TTC33: variants seen among roughly 807,000 people sequenced by gnomAD.
TTC33 encodes tetratricopeptide repeat protein 33.
A neutral mutation model predicts 29.4 loss-of-function variants in TTC33; 24 were observed. The ratio of observed to expected loss-of-function variants is 0.82; its 90% CI spans 0.59 to 1.15. The LOEUF (loss-of-function observed/expected upper bound fraction) is 1.15. Among genes scored for constraint, TTC33 ranks in the 50% most tolerant of loss-of-function variants. The probability of loss-of-function intolerance (pLI) is 0.00; values close to 1 mark genes in which losing one functional copy is unlikely to be tolerated. For synonymous variants in TTC33, 107 were observed against 100.3 expected (o/e 1.07, Z -0.40); for missense variants, 286 against 310.4 (o/e 0.92, Z 0.59).
rs1470247379 is a variant in TTC33 at position 40,738,425 on chromosome 5, TAAAA to T, written c.222-8086_222-8083del. 9.2e-4 allele frequency among the ~76,000 whole-genome samples: 133 copies of T among 144,440 alleles called. 1 individual carries two copies. The highest frequency in any genetic ancestry group is 3.4e-3 in the African/African-American group (130 of 38,420). The allele number at this position is 144,440 out of a possible 152,430, so 94.8% of individuals were successfully genotyped here. ...GCAAGACTCCATCTCAAAAATAAAA[TAAAA>T]TAAAATATAAAATAAAATACAATAC... On this transcript the variant is annotated intron_variant, in intron 2 of 4. Coordinates refer to ENST00000337702, the MANE Select transcript of TTC33 (RefSeq NM_012382.3).
At chr5:40,722,624 G>A (rs1267478877) in intron 4 of TTC33, among the ~76,000 whole-genome samples, 4 of 151,470 alleles carry the variant, frequency 2.6e-5, no homozygotes, top group South Asian at 4.2e-4. Flanking sequence ...GAGCCCCTCC[G>A]CCCAGCAGCT....
rs113938325 is a variant in TTC33, at chr5:40,716,584, T to C, written c.436-86A>G. On this transcript the variant is annotated intron_variant, in intron 4 of 4. Coordinates refer to ENST00000337702, the MANE Select transcript of TTC33 (RefSeq NM_012382.3). ...CCTGTGTGTTTACGTACATATATAC[T>C]GTACACATACACATCCTAATGCATT... is the stretch of plus-strand genomic sequence containing the variant. 7.9e-4 allele frequency: 659 copies of C among 836,750 alleles called. 3 individuals carry two copies. The African/African-American group carries it at 0.011, about 13-fold the overall frequency. The allele number at this position is 836,750 out of a possible 1,614,324, so 51.8% of individuals were successfully genotyped here.
At chr5:40,749,320 T>A (rs1172119650) in intron 1 of TTC33, among the ~76,000 whole-genome samples, 1 of 152,216 alleles carries the variant, frequency 6.6e-6, no homozygotes, top group African/African-American at 2.4e-5. Context: ...GAACTGTATA[T>A]AAATTGTACA....
intron 4 of TTC33, among the ~76,000 whole-genome samples, chr5:40,722,620 C>T (rs1742167087): frequency 6.6e-6 from 1 of 151,926 alleles, no homozygotes; most frequent in South Asian, 2.1e-4. Context: ...TGAGGAGCCC[C>T]TCCGCCCAGC....
intron 2 of TTC33, among the ~76,000 whole-genome samples, chr5:40,746,451 T>A (rs1742789687): frequency 1.3e-5 from 2 of 152,210 alleles, no homozygotes; most frequent in Non-Finnish European, 1.5e-5. Context: ...CATAATGTTA[T>A]AAGCAGAAAG....
intron 4 of TTC33, among the ~76,000 whole-genome samples, chr5:40,719,014 T>A (rs1450770258): frequency 2.0e-5 from 3 of 152,198 alleles, no homozygotes; most frequent in African/African-American, 7.2e-5. Context: ...AATAAATACC[T>A]CTTCATGGCA....
chr5:40,728,047 C>T (rs1016466431), intron 4 of TTC33, among the ~76,000 whole-genome samples: 10 of 151,868 alleles, frequency 6.6e-5, no homozygotes, highest in African/African-American at 1.7e-4. Flanking sequence ...TTTGGGAGGC[C>T]GAGGCTGGAG....
At chr5:40,732,493 C>T (rs182792882) in intron 2 of TTC33, among the ~76,000 whole-genome samples, 1 of 151,778 alleles carries the variant, frequency 6.6e-6, no homozygotes, top group East Asian at 1.9e-4. Context: ...GCTCTAATTC[C>T]TCCTTGTATT....
intron 4 of TTC33, among the ~76,000 whole-genome samples, chr5:40,721,557 C>CA (rs1264631482): frequency 6.6e-6 from 1 of 151,832 alleles, no homozygotes; most frequent in Non-Finnish European, 1.5e-5. Context: ...TATCCGCGTG[C>CA]AAAAGAATGA....
intron 4 of TTC33, among the ~76,000 whole-genome samples, chr5:40,722,322 C>T (rs936306676): frequency 2.6e-5 from 4 of 152,188 alleles, no homozygotes; most frequent in Non-Finnish European, 4.4e-5. Flanking sequence ...TCTGCCCGGC[C>T]GCCACCCCGT....
intron 2 of TTC33, 92 bp from the exon 3 acceptor site, chr5:40,730,435 T>G (rs183861279): frequency 1.0e-6 from 1 of 967,190 alleles, no homozygotes; most frequent in Non-Finnish European, 1.6e-6. Context: ...AATATAAAAT[T>G]TACCATCTTA....
At chr5:40,716,953 G>A (rs1742013597) in intron 4 of TTC33, among the ~76,000 whole-genome samples, 1 of 152,130 alleles carries the variant, frequency 6.6e-6, no homozygotes, top group African/African-American at 2.4e-5. Flanking sequence ...ATTTGGCTGG[G>A]CACGGTGGCT....
chr5:40,751,826 G>A (rs1045220862), intron 1 of TTC33, among the ~76,000 whole-genome samples: 4 of 151,960 alleles, frequency 2.6e-5, no homozygotes, highest in Admixed American at 6.6e-5. Flanking sequence ...GCGTGGTGGC[G>A]CACGCCTGTA....
Position 40,715,436 on chromosome 5 carries a change from G to C in TTC33, c.*709C>G, listed in dbSNP as rs1038868058. ...TCATTTGTGGTAAGGATTACTTACTGTAACAATTAAAAAATAAAACCATCA... is the reference window on the plus strand; with the variant it reads ...TCATTTGTGGTAAGGATTACTTACTCTAACAATTAAAAAATAAAACCATCA... On this transcript the variant is annotated 3_prime_UTR_variant, in exon 5 of 5. Transcript: ENST00000337702. 2.6e-5 allele frequency: 4 copies of C among 152,200 alleles called. No homozygotes were observed. The highest frequency in any genetic ancestry group is 2.6e-4 in the Admixed American group (4 of 15,268). 9.4% of individuals were successfully genotyped at this position (152,200 alleles called of 1,614,324 possible).
At chr5:40,733,193 C>T (rs182785199) in intron 2 of TTC33, among the ~76,000 whole-genome samples, 4 of 152,194 alleles carry the variant, frequency 2.6e-5, no homozygotes, top group Admixed American at 1.3e-4. Flanking sequence ...GAGAATTCTA[C>T]GTTTAGCAGA....
chr5:40,750,893 T>G (rs1742882974), intron 1 of TTC33, among the ~76,000 whole-genome samples: 1 of 152,196 alleles, frequency 6.6e-6, no homozygotes, highest in South Asian at 2.1e-4. Flanking sequence ...AGGAATTCAG[T>G]CACATCTTCA....
chr5:40,751,522 T>G (rs1489407294), intron 1 of TTC33, among the ~76,000 whole-genome samples: 1 of 152,190 alleles, frequency 6.6e-6, no homozygotes, highest in East Asian at 1.9e-4. Flanking sequence ...GACATTGGCT[T>G]CAATTTAAAG....
At chr5:40,726,032 G>A (rs564288559) in intron 4 of TTC33, among the ~76,000 whole-genome samples, 10 of 151,580 alleles carry the variant, frequency 6.6e-5, no homozygotes, top group South Asian at 4.2e-4. Context: ...TGATCCGCCC[G>A]CCTCGGCCTC....
At chr5:40,749,029 G>A (rs568322938) in intron 1 of TTC33, among the ~76,000 whole-genome samples, 1 of 152,240 alleles carries the variant, frequency 6.6e-6, no homozygotes, top group East Asian at 1.9e-4. Flanking sequence ...AGGAGACTGA[G>A]GCAAGAGAAT....
Sources: allele counts gnomAD v4.1 joint callset (sites outside exome capture counted in the v4.1 genomes callset), GRCh38; gene constraint gnomAD v4.1.1; transcripts MANE v1.5; gene names NCBI Gene and HGNC (gene_info 2026-07-23, HGNC 2026-07-21).